Variants in BTD observed in about 807,000 individuals in gnomAD.
The protein encoded by BTD is biotinidase.
BTD carries 13 observed loss-of-function variants against 17.7 expected under a neutral mutation model. The ratio of observed to expected loss-of-function variants is 0.74; its 90% CI spans 0.48 to 1.17. BTD has a LOEUF of 1.17. BTD is among the 50% of genes most tolerant of loss of function. BTD has a pLI of 0.00. For synonymous variants in BTD, 240 were observed against 245.2 expected (o/e 0.98, Z 0.20); for missense variants, 674 against 650.4 (o/e 1.04, Z -0.39).
chr3:15,676,740 GA>G (rs1359849125), intron 3 of BTD: 4 of 359,850 alleles, frequency 1.1e-5, no homozygotes, highest in Admixed American at 8.7e-5. Flanking sequence ...GTGGATTAAG[GA>G]AAAAAATACA....
intron 3 of BTD, 82 bp downstream of exon 3, chr3:15,642,139 C>T: frequency 1.3e-6 from 2 of 1,579,430 alleles, no homozygotes; most frequent in South Asian, 2.3e-5. Context: ...GACATGTTAA[C>T]TAAGATTGAT....
At chr3:15,624,716 C>T (rs1237126310) in intron 1 of BTD, among the ~76,000 whole-genome samples, 1 of 151,946 alleles carries the variant, frequency 6.6e-6, no homozygotes, top group African/African-American at 2.4e-5. Flanking sequence ...CCATATCTGA[C>T]TCTGGTTCTT....
intron 3 of BTD, among the ~76,000 whole-genome samples, chr3:15,707,047 A>T (rs1369634215): frequency 6.6e-6 from 1 of 152,240 alleles, no homozygotes; most frequent in Non-Finnish European, 1.5e-5. Flanking sequence ...TGAAGAATCA[A>T]ATTATGCTTC....
intron 3 of BTD, chr3:15,668,003 G>A (rs915213012): frequency 1.8e-4 from 28 of 152,328 alleles, no homozygotes; most frequent in African/African-American, 6.0e-4. Flanking sequence ...CAGAATGTGC[G>A]AGATTCATCC....
chr3:15,610,467 A>G (rs1003736728), intron 1 of BTD, among the ~76,000 whole-genome samples: 2 of 152,158 alleles, frequency 1.3e-5, no homozygotes, highest in African/African-American at 2.4e-5. Context: ...GAGAGGGGAG[A>G]AATTGCTGGC....
intron 2 of BTD, 62 bp from the exon 3 acceptor site, chr3:15,641,846 T>C (rs993090218): frequency 2.4e-6 from 3 of 1,236,142 alleles, no homozygotes; most frequent in Non-Finnish European, 3.5e-6. Flanking sequence ...GAAGAATGAA[T>C]GAATGCAGCG....
At chr3:15,701,963 C>T (rs1353253238) in intron 3 of BTD, among the ~76,000 whole-genome samples, 1 of 150,418 alleles carries the variant, frequency 6.6e-6, no homozygotes, top group Non-Finnish European at 1.5e-5. Flanking sequence ...TAATCAAGTT[C>T]TCTAGATGTT....
At position 15,627,110 on chromosome 3, in the gene BTD, A is replaced by G. The variant is rs150601809; in HGVS notation, c.-16-8314A>G. 5.4e-3 allele frequency among the ~76,000 whole-genome samples: 829 copies of G among 152,326 alleles called. 5 individuals are homozygous for G. The highest frequency in any genetic ancestry group is 0.018 in the African/African-American group (752 of 41,570). ...GGTGAACAGATCTGGAAAGGTTACC[A>G]TCATTCTTGATTGAGCTCTGCCCTC... On this transcript the variant is annotated intron_variant, in intron 1 of 3. Coordinates refer to ENST00000643237, the MANE Select transcript of BTD (RefSeq NM_001370658.1).
intron 4 of BTD, chr3:15,720,929 C>T (rs750556295): frequency 7.3e-5 from 118 of 1,613,176 alleles, no homozygotes; most frequent in Non-Finnish European, 9.0e-5. Context: ...ATATTGACAT[C>T]GGCCCCATTG....
chr3:15,676,951 T>C (rs745648754), intron 3 of BTD: 12 of 1,585,082 alleles, frequency 7.6e-6, no homozygotes, highest in African/African-American at 4.0e-5. Context: ...ACAAAGTTTA[T>C]ACTAGATACT....
Position 15,651,202 on chromosome 3 carries a change from C to T in BTD, c.*5714C>T. ...GTTTCCCAGGGGAACACTGGGACAGCGTTACCAGGGGAAGGGGAGTGGGAT... is the reference window on the plus strand; with the variant it reads ...GTTTCCCAGGGGAACACTGGGACAGTGTTACCAGGGGAAGGGGAGTGGGAT... On this transcript the variant is annotated 3_prime_UTR_variant, in exon 4 of 4. Coordinates refer to ENST00000643237, the MANE Select transcript of BTD (RefSeq NM_001370658.1). Among the ~76,000 whole-genome samples the T allele has an allele frequency of 6.6e-6, 1 of 152,090 alleles. No homozygotes were observed. Among genetic ancestry groups the T allele is most frequent in the East Asian group, 1.9e-4 (1 of 5,192 alleles).
At chr3:15,656,739 CATTT>C (rs1437970077), downstream of BTD, among the ~76,000 whole-genome samples, 1 of 152,200 alleles carries the variant, frequency 6.6e-6, no homozygotes, top group Admixed American at 6.5e-5. Flanking sequence ...CCAACTCATT[CATTT>C]GTTTAATATG....
intron 1 of BTD, among the ~76,000 whole-genome samples, chr3:15,610,086 C>T (rs1294719871): frequency 6.6e-6 from 1 of 152,104 alleles, no homozygotes; most frequent in African/African-American, 2.4e-5. Flanking sequence ...ATTAACCACC[C>T]CAAAACTTAG....
intron 1 of BTD, among the ~76,000 whole-genome samples, chr3:15,608,814 C>T (rs2064533922): frequency 6.6e-6 from 1 of 151,876 alleles, no homozygotes; most frequent in Admixed American, 6.6e-5. Context: ...TGATGGAATT[C>T]CATACTCGGG....
At chr3:15,654,957 T>C (rs2065857230), downstream of BTD, among the ~76,000 whole-genome samples, 1 of 152,208 alleles carries the variant, frequency 6.6e-6, no homozygotes, top group African/African-American at 2.4e-5. Context: ...GGTCTCAAAC[T>C]ACTGACCTCA....
At chr3:15,630,040 A>C in intron 1 of BTD, 2 of 985,386 alleles carry the variant, frequency 2.0e-6, no homozygotes, top group Non-Finnish European at 2.4e-6. Flanking sequence ...TCACAGGGGG[A>C]ATGGGCAGCG....
rs1208591351 is a variant in BTD at position 15,645,164 on chromosome 3, G to A, written c.1248G>A (p.Glu416=). The part of the protein sequence containing the change: ...LLYERPTLSK[E]LYALGVFDGL... Reference sequence around the variant, plus strand: ...ACGAGAGGCCCACCTTATCCAAAGAGCTGTATGCCCTGGGGGTCTTTGATG... The same window carrying A: ...ACGAGAGGCCCACCTTATCCAAAGAACTGTATGCCCTGGGGGTCTTTGATG... The change falls in exon 4 of 4, where the codon GAG becomes GAA. Residue 416 remains glutamate (E), a synonymous_variant. Transcript: ENST00000643237. The A allele has an allele frequency of 6.2e-7, 1 of 1,614,192 alleles. No homozygotes were observed. Among genetic ancestry groups the A allele is most frequent in the Admixed American group, 1.7e-5 (1 of 60,020 alleles).
At chr3:15,700,869 G>C (rs1344865625) in intron 3 of BTD, among the ~76,000 whole-genome samples, 1 of 152,090 alleles carries the variant, frequency 6.6e-6, no homozygotes, top group East Asian at 1.9e-4. Context: ...CAGTGATCTT[G>C]GGCCATAAAA....
chr3:15,677,410 GAA>G, intron 3 of BTD: 3 of 1,152,668 alleles, frequency 2.6e-6, no homozygotes, highest in Non-Finnish European at 3.9e-6. Flanking sequence ...TCATTTTAGT[GAA>G]GTCAAAAAAC....
Sources: gnomAD v4.1 joint callset for allele counts (sites outside exome capture counted in the v4.1 genomes callset) on GRCh38, gnomAD v4.1.1 for gene constraint, MANE v1.5 for transcripts, NCBI Gene and HGNC (gene_info 2026-07-23, HGNC 2026-07-21) for gene names.